PACRG: variants seen among roughly 807,000 people sequenced by gnomAD.
PACRG encodes parkin coregulated gene protein.
In PACRG, 29 loss-of-function variants were observed where a neutral mutation model predicts 29.7. The ratio of observed to expected loss-of-function variants is 0.98; its 90% CI spans 0.73 to 1.33. The LOEUF (loss-of-function observed/expected upper bound fraction) is 1.33, where lower values mean the gene tolerates loss of function less well. Ranked by LOEUF, PACRG falls within the 40% of genes most tolerant of loss-of-function variation. The probability of loss-of-function intolerance (pLI) is 0.00; values close to 1 mark genes in which losing one functional copy is unlikely to be tolerated. For missense variants in PACRG, 279 were observed against 316.2 expected (o/e 0.88, Z 0.89); for synonymous variants, 116 against 118.7 (o/e 0.98, Z 0.15).
intron 4 of PACRG, among the ~76,000 whole-genome samples, chr6:163,220,079 C>T (rs1366416759): frequency 1.3e-5 from 2 of 152,182 alleles, no homozygotes; most frequent in African/African-American, 4.8e-5. Context: ...GAGCCCCAGT[C>T]CAAGCAAGGA....
intron 4 of PACRG, among the ~76,000 whole-genome samples, chr6:163,185,978 G>C (rs567473441): frequency 6.6e-6 from 1 of 152,254 alleles, no homozygotes; most frequent in Non-Finnish European, 1.5e-5. Flanking sequence ...GTGAGTGGGG[G>C]AGGGCGTGCC....
chr6:162,924,713 A>G (rs1035763026), intron 2 of PACRG, among the ~76,000 whole-genome samples: 1 of 151,792 alleles, frequency 6.6e-6, no homozygotes, highest in African/African-American at 2.4e-5. Context: ...TGGTATTGAA[A>G]CATTCTTGCA....
At chr6:163,144,434 A>G (rs188340113) in intron 4 of PACRG, among the ~76,000 whole-genome samples, 2 of 152,286 alleles carry the variant, frequency 1.3e-5, no homozygotes, top group East Asian at 1.9e-4. Context: ...TAACGTTTGC[A>G]TAATGAAAAC....
intron 2 of PACRG, among the ~76,000 whole-genome samples, chr6:162,868,254 A>G (rs1019658420): frequency 5.3e-5 from 8 of 152,092 alleles, no homozygotes; most frequent in Non-Finnish European, 1.5e-5. Context: ...TGGGCTTTCA[A>G]GGTGGACAGC....
At chr6:162,865,882 G>C (rs1038533851) in intron 2 of PACRG, among the ~76,000 whole-genome samples, 1 of 151,974 alleles carries the variant, frequency 6.6e-6, no homozygotes, top group Non-Finnish European at 1.5e-5. Context: ...AGCCTCCAAG[G>C]TTAGTGCTAG....
intron 3 of PACRG, among the ~76,000 whole-genome samples, chr6:163,080,035 A>G (rs1226355907): frequency 6.6e-6 from 1 of 151,066 alleles, no homozygotes; most frequent in Non-Finnish European, 1.5e-5. Flanking sequence ...AGTAGCTGAA[A>G]CTACAGGTGC....
chr6:163,251,028 T>C (rs1441344049), intron 4 of PACRG, among the ~76,000 whole-genome samples: 2 of 151,866 alleles, frequency 1.3e-5, no homozygotes, highest in African/African-American at 2.4e-5. Flanking sequence ...CCAAGCATCA[T>C]ATGTTCTCAC....
intron 1 of PACRG, among the ~76,000 whole-genome samples, chr6:162,811,252 C>T (rs1786841052): frequency 6.6e-6 from 1 of 152,064 alleles, no homozygotes; most frequent in African/African-American, 2.4e-5. Context: ...GTAAGACAGA[C>T]AAAGGAGAAA....
intron 2 of PACRG, among the ~76,000 whole-genome samples, chr6:163,035,105 G>A (rs759744450): frequency 3.3e-5 from 5 of 152,162 alleles, no homozygotes; most frequent in Admixed American, 6.5e-5. Context: ...CACTCTCATC[G>A]CCATCTTGGT....
At chr6:163,125,088 A>T (rs959902938) in intron 4 of PACRG, among the ~76,000 whole-genome samples, 7 of 151,882 alleles carry the variant, frequency 4.6e-5, no homozygotes, top group African/African-American at 1.7e-4. Context: ...TTCAGAAAAA[A>T]CTCCAAGAGT....
At chr6:162,985,963 C>CAAA (rs71546915) in intron 2 of PACRG, among the ~76,000 whole-genome samples, 62,500 of 151,016 alleles carry the variant, frequency 0.41, 13,208 homozygotes, top group East Asian at 0.7. Context: ...ACAATAGCTG[C>CAAA]AAAAATAAAA....
intron 4 of PACRG, among the ~76,000 whole-genome samples, chr6:163,183,935 T>C (rs2763997): frequency 0.88 from 133,893 of 152,264 alleles, 59,145 homozygotes; most frequent in African/African-American, 0.97. Flanking sequence ...AGATTCTTGT[T>C]CTGTAGGAAG....
At chr6:162,981,169 G>A (rs1290775815) in intron 2 of PACRG, among the ~76,000 whole-genome samples, 2 of 151,646 alleles carry the variant, frequency 1.3e-5, no homozygotes, top group African/African-American at 4.8e-5. Flanking sequence ...ACTTCACTTG[G>A]AATAATACTC....
At chr6:163,213,128 G>A (rs902778319) in intron 4 of PACRG, among the ~76,000 whole-genome samples, 2 of 152,070 alleles carry the variant, frequency 1.3e-5, no homozygotes, top group Non-Finnish European at 2.9e-5. Flanking sequence ...GCTATGAAAT[G>A]GACAAATTAA....
chr6:163,135,761 G>A (rs1816909277), intron 4 of PACRG, among the ~76,000 whole-genome samples: 1 of 152,308 alleles, frequency 6.6e-6, no homozygotes, highest in East Asian at 1.9e-4. Context: ...AAGCCCAGAG[G>A]CAGTGTGTGA....
chr6:163,163,988 T>G (rs16894586), intron 4 of PACRG, among the ~76,000 whole-genome samples: 15,593 of 152,170 alleles, frequency 0.1, 2,498 homozygotes, highest in African/African-American at 0.34. Context: ...CTTTCTCAGA[T>G]AAGCAGAAAT....
chr6:163,256,487 T>A (rs996208798), intron 4 of PACRG, among the ~76,000 whole-genome samples: 18 of 152,118 alleles, frequency 1.2e-4, no homozygotes, highest in African/African-American at 4.3e-4. Context: ...GAATAGAAAA[T>A]TCCAGCCAGG....
chr6:163,124,750 A>G (rs578647), intron 4 of PACRG, among the ~76,000 whole-genome samples: 126,587 of 152,146 alleles, frequency 0.83, 52,822 homozygotes, highest in African/African-American at 0.89. Context: ...GCATGCTGGC[A>G]CCTTCGAGAG....
chr6:163,063,010 G>A (rs1811222357), intron 3 of PACRG, among the ~76,000 whole-genome samples: 1 of 152,096 alleles, frequency 6.6e-6, no homozygotes, highest in Non-Finnish European at 1.5e-5. Flanking sequence ...CCACCCTGAT[G>A]GGCATGCCTG....
Sources: allele counts gnomAD v4.1 joint callset (sites outside exome capture counted in the v4.1 genomes callset), GRCh38; gene constraint gnomAD v4.1.1; transcripts MANE v1.5; gene names NCBI Gene and HGNC (gene_info 2026-07-23, HGNC 2026-07-21).